Variants in RBFOX1 observed in about 807,000 individuals in gnomAD.
RBFOX1 encodes the protein RNA binding fox-1 homolog 1, also known as RNA binding protein fox-1 homolog 1.
In RBFOX1, 8 loss-of-function variants were observed where a neutral mutation model predicts 57.7. The observed-to-expected ratio is 0.14, with a 90% confidence interval of 0.08 to 0.25. The LOEUF (loss-of-function observed/expected upper bound fraction) is 0.25, where lower values mean the gene tolerates loss of function less well. RBFOX1 is among the 10% of genes least tolerant of loss of function. The probability of loss-of-function intolerance (pLI) is 1.00; values close to 1 mark genes in which losing one functional copy is unlikely to be tolerated. For synonymous variants in RBFOX1, 326 were observed against 222.4 expected, an observed-to-expected ratio of 1.47 and a Z score of -4.15; for missense variants, 611 against 548.5, an observed-to-expected ratio of 1.11 and a Z score of -1.14.
At chr16:6,537,372 G>C (rs1236230583) in intron 2 of RBFOX1, among the ~76,000 whole-genome samples, 1 of 152,136 alleles carries the variant, frequency 6.6e-6, no homozygotes, top group Non-Finnish European at 1.5e-5. Flanking sequence ...TTACAATTAT[G>C]GATGAATTGT....
intron 3 of RBFOX1, among the ~76,000 whole-genome samples, chr16:6,876,588 A>G (rs1173286994): frequency 6.6e-6 from 1 of 152,126 alleles, no homozygotes; most frequent in Non-Finnish European, 1.5e-5. Context: ...GAAACCTTGG[A>G]CTTTATGATG....
At chr16:5,926,750 G>C (rs943408636) in intron 4 of RBFOX1, among the ~76,000 whole-genome samples, 2 of 152,130 alleles carry the variant, frequency 1.3e-5, no homozygotes, top group African/African-American at 4.8e-5. Flanking sequence ...CCTCTGAAGG[G>C]GGTCCCTACA....
chr16:6,860,471 G>C (rs1486233608), intron 3 of RBFOX1, among the ~76,000 whole-genome samples: 1 of 152,170 alleles, frequency 6.6e-6, no homozygotes, highest in East Asian at 1.9e-4. Flanking sequence ...GCTGATGGAA[G>C]AGTATATTGA....
intron 4 of RBFOX1, among the ~76,000 whole-genome samples, chr16:7,092,225 GT>G (rs1192473807): frequency 6.6e-6 from 1 of 152,120 alleles, no homozygotes; most frequent in African/African-American, 2.4e-5. Context: ...GTTTGTTGTT[GT>G]TTGTTTCTCT....
intron 3 of RBFOX1, among the ~76,000 whole-genome samples, chr16:5,681,074 T>C (rs977733324): frequency 4.0e-5 from 6 of 150,174 alleles, no homozygotes; most frequent in Non-Finnish European, 8.9e-5. Flanking sequence ...CATGAGGTAA[T>C]ATATATATAT....
At chr16:6,326,899 A>C (rs913699227) in intron 2 of RBFOX1, among the ~76,000 whole-genome samples, 1 of 152,058 alleles carries the variant, frequency 6.6e-6, no homozygotes, top group Non-Finnish European at 1.5e-5. Flanking sequence ...GGAAATCTCC[A>C]TGTCTTGCAT....
intron 2 of RBFOX1, among the ~76,000 whole-genome samples, chr16:5,481,561 C>G (rs1405094050): frequency 6.6e-6 from 1 of 152,186 alleles, no homozygotes; most frequent in African/African-American, 2.4e-5. Flanking sequence ...TGTTTCATCT[C>G]TACATGATGC....
At chr16:7,432,566 G>T (rs2098690627) in intron 4 of RBFOX1, among the ~76,000 whole-genome samples, 1 of 152,162 alleles carries the variant, frequency 6.6e-6, no homozygotes, top group African/African-American at 2.4e-5. Context: ...TTTAAGCTTT[G>T]TGGGCCATCT....
In RBFOX1 at chr16:6,019,694, TG is replaced by T. The variant is rs1307943484; in HGVS notation, c.-424del. 3 of 1,340,730 alleles carry T rather than the reference TG, an allele frequency of 2.2e-6. No homozygotes were observed. The East Asian group carries it at 8.8e-5, about 40-fold the overall frequency. The allele number at this position is 1,340,730 out of a possible 1,614,324, so 83.1% of individuals were successfully genotyped here. On this transcript the variant is annotated 5_prime_UTR_variant, in exon 1 of 16. Coordinates refer to ENST00000550418, the MANE Select transcript of RBFOX1 (RefSeq NM_018723.4). This position sits in a 1 kb window ranked among gnomAD's most constrained non-coding sequence, Gnocchi z 4.2. ...CGGAGCAGGAGAACTCCGAGCTTCT[TG>T]CCCAGGCAGAGAGAGCAGGAGCGGA...
At chr16:6,419,688 C>T (rs1010572124) in intron 2 of RBFOX1, among the ~76,000 whole-genome samples, 1 of 152,140 alleles carries the variant, frequency 6.6e-6, no homozygotes, top group African/African-American at 2.4e-5. Flanking sequence ...GGCATCCCAC[C>T]ATTCCCGTTC....
chr16:5,809,990 C>A (rs1395954633), intron 3 of RBFOX1, among the ~76,000 whole-genome samples: 1 of 152,116 alleles, frequency 6.6e-6, no homozygotes, highest in Non-Finnish European at 1.5e-5. Context: ...GAATACTATG[C>A]AGCCATAAAA....
intron 2 of RBFOX1, among the ~76,000 whole-genome samples, chr16:6,644,069 T>C (rs1390163382): frequency 6.6e-6 from 1 of 152,132 alleles, no homozygotes; most frequent in African/African-American, 2.4e-5. Context: ...GAGTTTGCAG[T>C]GAGCCAAGAT....
chr16:7,083,978 G>T (rs898481576), intron 4 of RBFOX1, among the ~76,000 whole-genome samples: 2 of 151,902 alleles, frequency 1.3e-5, no homozygotes, highest in African/African-American at 4.8e-5. Context: ...TGTTTGCCCC[G>T]CTCACAGTCT....
At chr16:5,777,851 T>G (rs1476114084) in intron 3 of RBFOX1, among the ~76,000 whole-genome samples, 2 of 152,224 alleles carry the variant, frequency 1.3e-5, no homozygotes, top group Non-Finnish European at 2.9e-5. Flanking sequence ...GAGAGAAATG[T>G]AGAGATGATG....
intron 4 of RBFOX1, among the ~76,000 whole-genome samples, chr16:7,237,720 C>G (rs1192812075): frequency 6.6e-6 from 1 of 152,190 alleles, no homozygotes; most frequent in Non-Finnish European, 1.5e-5. Context: ...GAAGGAGATT[C>G]TGGCCGACTG....
chr16:7,250,437 C>T lies in RBFOX1; in HGVS notation c.27+198339C>T, dbSNP rs922260309. Among the ~76,000 whole-genome samples, 6 of 152,298 alleles carry T rather than the reference C, an allele frequency of 3.9e-5. 1 individual carries two copies. The highest frequency in any genetic ancestry group is 3.4e-3 in the Middle Eastern group (1 of 294). ...TTTGTGTCTTCTAAGTGAAATCCTT[C>T]CTAAGTGAACCACAAGAGTTTCCTG... On this transcript the variant is annotated intron_variant, in intron 4 of 15. Coordinates refer to ENST00000550418, the MANE Select transcript of RBFOX1 (RefSeq NM_018723.4).
intron 3 of RBFOX1, among the ~76,000 whole-genome samples, chr16:5,657,161 C>A (rs140421573): frequency 1.3e-5 from 2 of 152,060 alleles, no homozygotes; most frequent in Non-Finnish European, 2.9e-5. Flanking sequence ...GATTGGGGAC[C>A]TATTTATTAG....
intron 3 of RBFOX1, among the ~76,000 whole-genome samples, chr16:5,721,127 T>A (rs1046452835): frequency 2.0e-5 from 3 of 152,244 alleles, no homozygotes; most frequent in African/African-American, 4.8e-5. Flanking sequence ...GTTTTCAGCA[T>A]GGAAATTTTA....
intron 4 of RBFOX1, among the ~76,000 whole-genome samples, chr16:5,894,169 C>A (rs1325919369): frequency 6.6e-6 from 1 of 152,106 alleles, no homozygotes; most frequent in Non-Finnish European, 1.5e-5. Flanking sequence ...CTCTATTTTC[C>A]CCGGTGTTCC....
Sources: gnomAD v4.1 joint callset for allele counts (sites outside exome capture counted in the v4.1 genomes callset) on GRCh38, gnomAD v4.1.1 for gene constraint, Gnocchi (gnomAD v3.1) non-coding constraint, MANE v1.5 for transcripts, NCBI Gene and HGNC (gene_info 2026-07-23, HGNC 2026-07-21) for gene names.